Variants in UBA6 observed in about 807,000 individuals in gnomAD.
UBA6 encodes the protein ubiquitin-like modifier-activating enzyme 6.
Under a neutral mutation model 148.3 loss-of-function variants are expected in UBA6, and 87 were observed. The observed-to-expected ratio is 0.59, with a 90% CI of 0.49 to 0.70. The LOEUF is 0.70. Ranked by LOEUF, UBA6 falls within the 30% of genes least tolerant of loss-of-function variation. The probability of loss-of-function intolerance (pLI) is 0.00; values close to 1 mark genes in which losing one functional copy is unlikely to be tolerated. For synonymous variants in UBA6, 376 were observed against 401.0 expected (o/e 0.94, Z 0.75); for missense variants, 1,186 against 1,241.2 (o/e 0.96, Z 0.67).
At chr4:67,685,701 T>C (rs990570758) in intron 2 of UBA6, among the ~76,000 whole-genome samples, 5 of 152,136 alleles carry the variant, frequency 3.3e-5, no homozygotes, top group African/African-American at 1.2e-4. Context: ...CCCTCGTGAA[T>C]TGATTAATAC....
intron 19 of UBA6, among the ~76,000 whole-genome samples, chr4:67,637,003 C>T (rs1438013682): frequency 4.0e-5 from 6 of 151,430 alleles, no homozygotes; most frequent in Admixed American, 6.6e-5. Flanking sequence ...TCTGCCCCAC[C>T]GCCCCATCTG....
At chr4:67,678,373 A>AC (rs1730342069) in intron 5 of UBA6, 66 bp downstream of exon 5, 1 of 979,930 alleles carries the variant, frequency 1.0e-6, no homozygotes, top group African/African-American at 1.7e-5. Context: ...GGTGTTCTAG[A>AC]TAAAGGAAAT....
At position 67,668,728 on chromosome 4, in the gene UBA6, T is replaced by A. The variant is rs1396301683; in HGVS notation, c.670-54A>T. 3 of 1,504,384 alleles carry A rather than the reference T, an allele frequency of 2.0e-6. No homozygotes were observed. The Admixed American group carries it at 6.3e-5, about 32-fold the overall frequency. 93.2% of individuals were successfully genotyped at this position (1,504,384 alleles called of 1,614,324 possible). On this transcript the variant is annotated intron_variant, in intron 8 of 32. Transcript: ENST00000322244. Reference sequence around the variant, plus strand: ...GAACTTCTTTTTTGTATTCTTTGTGTACAAATTCAAATCTTAAGCAAAAAT... The same window carrying A: ...GAACTTCTTTTTTGTATTCTTTGTGAACAAATTCAAATCTTAAGCAAAAAT...
chr4:67,675,181 C>T (rs1328333417), intron 6 of UBA6, among the ~76,000 whole-genome samples: 1 of 152,112 alleles, frequency 6.6e-6, no homozygotes, highest in Admixed American at 6.5e-5. Flanking sequence ...TGGTAATTTC[C>T]TCAGGTCTAT....
intron 29 of UBA6, 120 bp downstream of exon 29, chr4:67,624,874 G>T: frequency 1.4e-6 from 1 of 738,124 alleles, no homozygotes. Context: ...TTTAAATTAT[G>T]AGATCCAATA....
chr4:67,665,103 G>T (rs932609313), intron 10 of UBA6, 86 bp downstream of exon 10: 10 of 702,936 alleles, frequency 1.4e-5, no homozygotes, highest in African/African-American at 3.7e-5. Flanking sequence ...CATTTAATCT[G>T]TTTGGTTAAC....
At position 67,646,716 on chromosome 4, in the gene UBA6, A is replaced by C. The variant is rs749925126; in HGVS notation, c.1316+8T>G. The C allele has an allele frequency of 1.3e-6, 2 of 1,599,742 alleles. No individual in the cohort carries two copies. The highest frequency in any genetic ancestry group is 3.4e-5 in the Admixed American group (2 of 58,206). ...TGTTAGTAAAAGCAAGAGAAATTTC[A>C]TTATTACCGTGGGAGAAATTCTTCA... On this transcript the variant is annotated splice_region_variant and intron_variant, in intron 15 of 32. Coordinates refer to ENST00000322244, the MANE Select transcript of UBA6 (RefSeq NM_018227.6).
At chr4:67,656,429 C>T (rs553074856) in intron 13 of UBA6, among the ~76,000 whole-genome samples, 1 of 152,160 alleles carries the variant, frequency 6.6e-6, no homozygotes, top group African/African-American at 2.4e-5. Context: ...ACGACAAAAA[C>T]CACATGATTA....
chr4:67,656,094 A>C (rs866822721), intron 13 of UBA6, among the ~76,000 whole-genome samples: 1 of 152,234 alleles, frequency 6.6e-6, no homozygotes, highest in South Asian at 2.1e-4. Context: ...TTCAAAGCCG[A>C]ATTCTACCAG....
intron 13 of UBA6, among the ~76,000 whole-genome samples, chr4:67,654,470 T>C (rs1250399964): frequency 6.6e-6 from 1 of 152,102 alleles, no homozygotes; most frequent in African/African-American, 2.4e-5. Flanking sequence ...TAAAATCCTT[T>C]ACAGACAAGC....
At position 67,630,457 on chromosome 4, in the gene UBA6, A is replaced by G. The variant is rs889576811; in HGVS notation, c.2328+9T>C. The G allele has an allele frequency of 1.3e-6, 2 of 1,576,156 alleles. No individual in the cohort carries two copies. Among genetic ancestry groups the G allele is most frequent in the Non-Finnish European group, 1.7e-6 (2 of 1,158,886 alleles). ...TGCATCACTTGCTAAGGCTTAAAGA[A>G]TATCTTACCTCTTCTGCAAATGGAA... On this transcript the variant is annotated intron_variant, in intron 26 of 32. Transcript: ENST00000322244.
intron 23 of UBA6, among the ~76,000 whole-genome samples, chr4:67,633,023 A>C (rs1368073213): frequency 2.0e-5 from 3 of 152,118 alleles, no homozygotes; most frequent in Admixed American, 6.6e-5. Flanking sequence ...CTTTACCACT[A>C]CCTTATGTAT....
chr4:67,622,898 C>T lies in UBA6; in HGVS notation c.2956G>A (p.Val986Met). ...KEKYGIEPTM[V>M]VQGVKMLYVP... ...TAAAGCATTTTGACTCCCTGTACCACCATTGTTGGCTCAATTCCATACTTC... is the reference window on the plus strand; with the variant it reads ...TAAAGCATTTTGACTCCCTGTACCATCATTGTTGGCTCAATTCCATACTTC... Residue 986 changes from valine (V) to methionine (M), a missense_variant, in exon 32 of 33, where the codon GTG (valine) becomes ATG (methionine). Val to Met is a conservative substitution (Grantham distance 21, BLOSUM62 1). Transcript: ENST00000322244. 1.2e-6 allele frequency: 2 copies of T among 1,612,382 alleles called. No individual in the cohort carries two copies. Among genetic ancestry groups the T allele is most frequent in the Non-Finnish European group, 1.7e-6 (2 of 1,179,356 alleles).
chr4:67,638,198 G>A (rs533430922), intron 19 of UBA6: 1 of 152,442 alleles, frequency 6.6e-6, no homozygotes, highest in South Asian at 2.1e-4. Flanking sequence ...TAACCAGCAT[G>A]AGCTTGCCTG....
At chr4:67,621,632 G>A (rs923918508) in intron 32 of UBA6, among the ~76,000 whole-genome samples, 39 of 152,108 alleles carry the variant, frequency 2.6e-4, no homozygotes, top group African/African-American at 7.7e-4. Context: ...GGTGAAATCC[G>A]TCTCTACTAA....
chr4:67,636,536 C>T (rs1178748824), intron 19 of UBA6, among the ~76,000 whole-genome samples: 13 of 152,196 alleles, frequency 8.5e-5, no homozygotes, highest in Non-Finnish European at 1.8e-4. Context: ...CGATTGCAGG[C>T]GCGCACCGCC....
intron 28 of UBA6, 42 bp downstream of exon 28, chr4:67,626,318 A>T: frequency 8.2e-7 from 1 of 1,223,238 alleles, no homozygotes; most frequent in South Asian, 1.2e-5. Context: ...GAAAATAAAA[A>T]CTCATCCAGT....
At chr4:67,624,387 T>G in intron 29 of UBA6, 134 bp from the exon 30 acceptor site, 1 of 692,810 alleles carries the variant, frequency 1.4e-6, no homozygotes, top group Non-Finnish European at 2.2e-6. Context: ...TATAGTAATA[T>G]AAATTTCTTA....
chr4:67,687,035 T>TA (rs1491452678), intron 2 of UBA6, among the ~76,000 whole-genome samples: 1 of 70,086 alleles, frequency 1.4e-5, no homozygotes, highest in Admixed American at 1.3e-4. Context: ...TAAGACTATG[T>TA]TTTTTTTTTT....
Sources: gnomAD v4.1 joint callset for allele counts (sites outside exome capture counted in the v4.1 genomes callset) on GRCh38, gnomAD v4.1.1 for gene constraint, MANE v1.5 for transcripts, NCBI Gene and HGNC (gene_info 2026-07-23, HGNC 2026-07-21) for gene names.